Variants in BAG2 observed in about 807,000 individuals in gnomAD.
The protein encoded by BAG2 is BAG family molecular chaperone regulator 2.
Under a neutral mutation model 16.4 loss-of-function variants are expected in BAG2, and 8 were observed. The observed-to-expected ratio is 0.49, with a 90% CI of 0.29 to 0.88. The LOEUF (loss-of-function observed/expected upper bound fraction) is 0.88, where lower values mean the gene tolerates loss of function less well. BAG2 is among the 40% of genes least tolerant of loss of function. BAG2 has a pLI of 0.09. For missense variants in BAG2, 218 were observed against 248.9 expected (o/e 0.88, Z 0.84); for synonymous variants, 82 against 89.2 (o/e 0.92, Z 0.46).
intron 1 of BAG2, among the ~76,000 whole-genome samples, chr6:57,180,439 TA>T (rs374610477): frequency 2.9e-4 from 42 of 145,434 alleles, no homozygotes; most frequent in Admixed American, 5.5e-4. Flanking sequence ...CTAGTGCTAT[TA>T]AAAAAAAAAA....
In BAG2 at chr6:57,188,971, G is replaced by GA. The variant is rs1204852044; in HGVS notation, c.*4786dup. The GA allele has an allele frequency of 6.6e-6, 1 of 151,958 alleles. No homozygotes were observed. The allele number at this position is 151,958 out of a possible 1,614,324, so 9.4% of individuals were successfully genotyped here. A position where few individuals can be genotyped will look rare whatever the true frequency, so the allele number is the denominator to read the frequency against. On this transcript the variant is annotated 3_prime_UTR_variant, in exon 3 of 3. Transcript: ENST00000370693. The stretch of plus-strand genomic sequence containing the variant: ...TAAAACATTGTTTAGTACAAATAAT[G>GA]AAAAATGACTTCATGACATTTTCCA...
At chr6:57,177,930 C>T (rs1298225533) in intron 1 of BAG2, among the ~76,000 whole-genome samples, 4 of 152,176 alleles carry the variant, frequency 2.6e-5, no homozygotes, top group Non-Finnish European at 4.4e-5. Flanking sequence ...AGGATGCATG[C>T]GCTCCGGTTT....
chr6:57,180,949 A>G (rs147622667), intron 1 of BAG2, among the ~76,000 whole-genome samples: 7 of 152,324 alleles, frequency 4.6e-5, no homozygotes, highest in Non-Finnish European at 7.3e-5. Flanking sequence ...AGAAAAGCAA[A>G]ATAGGAAAAG....
Position 57,172,417 on chromosome 6 carries a change from C to G in BAG2, c.-281C>G, listed in dbSNP as rs916367728. Reference sequence around the variant, plus strand: ...GCGCTCCCCAGGCCCGAGCCCCTGTCGGCCCATCCTCGAGCCCGTGTGGCT... The same window carrying G: ...GCGCTCCCCAGGCCCGAGCCCCTGTGGGCCCATCCTCGAGCCCGTGTGGCT... On this transcript the variant is annotated 5_prime_UTR_variant, in exon 1 of 3. Transcript: ENST00000370693. The G allele has an allele frequency of 4.1e-6, 1 of 241,656 alleles. No homozygotes were observed. Among genetic ancestry groups the G allele is most frequent in the Non-Finnish European group, 7.9e-6 (1 of 126,214 alleles). 15.0% of individuals were successfully genotyped at this position (241,656 alleles called of 1,614,324 possible). A position where few individuals can be genotyped will look rare whatever the true frequency, so the allele number is the denominator to read the frequency against.
chr6:57,176,831 T>C (rs1230978295), intron 1 of BAG2, among the ~76,000 whole-genome samples: 1 of 151,948 alleles, frequency 6.6e-6, no homozygotes, highest in Admixed American at 6.6e-5. Context: ...ATTTGAAACT[T>C]TAAGAACCCT....
At chr6:57,176,275 G>C (rs749397450) in intron 1 of BAG2, among the ~76,000 whole-genome samples, 2 of 152,178 alleles carry the variant, frequency 1.3e-5, no homozygotes, top group African/African-American at 2.4e-5. Context: ...CACACAACTA[G>C]AGAGTAGTAA....
chr6:57,186,028 G>A lies in BAG2; in HGVS notation c.*1838G>A, dbSNP rs929226644. 28 of 152,092 alleles carry A rather than the reference G, an allele frequency of 1.8e-4. No homozygotes were observed. Among genetic ancestry groups the A allele is most frequent in the African/African-American group, 6.5e-4 (27 of 41,402 alleles). 9.4% of individuals were successfully genotyped at this position (152,092 alleles called of 1,614,324 possible). A position where few individuals can be genotyped will look rare whatever the true frequency, so the allele number is the denominator to read the frequency against. ...TATGATCCACATTTCCAAGCTGCTT[G>A]GGGTCCCTGGTTTACAGTGTCTCCA... On this transcript the variant is annotated 3_prime_UTR_variant, in exon 3 of 3. Transcript: ENST00000370693.
intron 1 of BAG2, 117 bp downstream of exon 1, chr6:57,172,927 G>A (rs1163002706): frequency 1.1e-6 from 1 of 924,282 alleles, no homozygotes; most frequent in Non-Finnish European, 1.5e-6. Context: ...TGAGGCTGCG[G>A]CAACCGAAGT....
At position 57,186,768 on chromosome 6, in the gene BAG2, G is replaced by A. The variant is rs1205943868; in HGVS notation, c.*2578G>A. 1 of 152,068 alleles carries A rather than the reference G, an allele frequency of 6.6e-6. No individual in the cohort carries two copies. The highest frequency in any genetic ancestry group is 2.4e-5 in the African/African-American group (1 of 41,388). 9.4% of individuals were successfully genotyped at this position (152,068 alleles called of 1,614,324 possible). A position where few individuals can be genotyped will look rare whatever the true frequency, so the allele number is the denominator to read the frequency against. Reference sequence around the variant, plus strand: ...AAGTGGATATAGAGTATGTTTTGCTGTATCTCAATTCTCTACCATTCCTAG... The same window carrying A: ...AAGTGGATATAGAGTATGTTTTGCTATATCTCAATTCTCTACCATTCCTAG... On this transcript the variant is annotated 3_prime_UTR_variant, in exon 3 of 3. Transcript: ENST00000370693.
At chr6:57,174,252 AG>A in intron 1 of BAG2, 1 of 1,249,654 alleles carries the variant, frequency 8.0e-7, no homozygotes, top group Non-Finnish European at 1.0e-6. Flanking sequence ...CAGAACGTTG[AG>A]GGCATGTTCT....
chr6:57,172,881 G>A, intron 1 of BAG2, 71 bp downstream of exon 1: 1 of 1,286,786 alleles, frequency 7.8e-7, no homozygotes, highest in Non-Finnish European at 1.0e-6. Context: ...TTAGCGGACG[G>A]AGGCCGCGTG....
intron 1 of BAG2, among the ~76,000 whole-genome samples, chr6:57,181,189 A>T (rs899201502): frequency 1.3e-5 from 2 of 152,148 alleles, no homozygotes; most frequent in Non-Finnish European, 2.9e-5. Flanking sequence ...GAGTACACAT[A>T]CCCTTTGTCT....
At chr6:57,173,281 C>T in intron 1 of BAG2, 2 of 985,696 alleles carry the variant, frequency 2.0e-6, no homozygotes, top group Non-Finnish European at 1.2e-6. Flanking sequence ...AGTTAAGTTT[C>T]CTTGCTTCAG....
chr6:57,181,509 T>C (rs952696254), intron 1 of BAG2, among the ~76,000 whole-genome samples: 1 of 152,008 alleles, frequency 6.6e-6, no homozygotes, highest in Non-Finnish European at 1.5e-5. Flanking sequence ...CTGGCCAACA[T>C]GGTGAAACCC....
In BAG2 at chr6:57,185,485, A is replaced by C. The variant is rs958878885; in HGVS notation, c.*1295A>C. Reference sequence around the variant, plus strand: ...CCAAACTGACTTTATGTATGTATATATCTCTCAATGCAAGCAATATCAAAC... The same window carrying C: ...CCAAACTGACTTTATGTATGTATATCTCTCTCAATGCAAGCAATATCAAAC... On this transcript the variant is annotated 3_prime_UTR_variant, in exon 3 of 3. Coordinates refer to ENST00000370693, the MANE Select transcript of BAG2 (RefSeq NM_004282.4). 2.6e-5 allele frequency: 4 copies of C among 152,226 alleles called. No individual in the cohort carries two copies. The highest frequency in any genetic ancestry group is 4.4e-5 in the Non-Finnish European group (3 of 68,036). 9.4% of individuals were successfully genotyped at this position (152,226 alleles called of 1,614,324 possible).
At position 57,184,370 on chromosome 6, in the gene BAG2, TTTAA is replaced by T; in HGVS notation, c.*184_*187del. ...TTGTGAATAACAAAACTAGCAATAT[TTTAA>T]TTATCTATCTAGAGATTTTTTAGAT... On this transcript the variant is annotated 3_prime_UTR_variant, in exon 3 of 3. Coordinates refer to ENST00000370693, the MANE Select transcript of BAG2 (RefSeq NM_004282.4). 1 of 494,636 alleles carries T rather than the reference TTTAA, an allele frequency of 2.0e-6. No individual in the cohort carries two copies. The highest frequency in any genetic ancestry group is 3.3e-6 in the Non-Finnish European group (1 of 303,484). The allele number at this position is 494,636 out of a possible 1,614,324, so 30.6% of individuals were successfully genotyped here.
Position 57,186,960 on chromosome 6 carries a change from A to G in BAG2, c.*2770A>G, listed in dbSNP as rs1187478164. 1.3e-5 allele frequency: 2 copies of G among 152,188 alleles called. No homozygotes were observed. The highest frequency in any genetic ancestry group is 4.8e-5 in the African/African-American group (2 of 41,446). The allele number at this position is 152,188 out of a possible 1,614,324, so 9.4% of individuals were successfully genotyped here. A position where few individuals can be genotyped will look rare whatever the true frequency, so the allele number is the denominator to read the frequency against. ...TATATATTTTACTATTTAGATCCACACTGTTGATACAATCATACATATCAC... is the reference window on the plus strand; with the variant it reads ...TATATATTTTACTATTTAGATCCACGCTGTTGATACAATCATACATATCAC... On this transcript the variant is annotated 3_prime_UTR_variant, in exon 3 of 3. Coordinates refer to ENST00000370693, the MANE Select transcript of BAG2 (RefSeq NM_004282.4).
Position 57,188,577 on chromosome 6 carries a change from GGAGAGTA to G in BAG2, c.*4397_*4403del, listed in dbSNP as rs1764704620. ...TATTATTTTGTGCAAAAATTAAAGA[GGAGAGTA>G]GAGAGTAGAAAATTGAAGAGAGTAG... On this transcript the variant is annotated 3_prime_UTR_variant, in exon 3 of 3. Coordinates refer to ENST00000370693, the MANE Select transcript of BAG2 (RefSeq NM_004282.4). 1 of 152,006 alleles carries G rather than the reference GGAGAGTA, an allele frequency of 6.6e-6. No individual in the cohort carries two copies. Among genetic ancestry groups the G allele is most frequent in the Admixed American group, 6.6e-5 (1 of 15,246 alleles). The allele number at this position is 152,006 out of a possible 1,614,324, so 9.4% of individuals were successfully genotyped here. A position where few individuals can be genotyped will look rare whatever the true frequency, so the allele number is the denominator to read the frequency against.
intron 1 of BAG2, among the ~76,000 whole-genome samples, chr6:57,178,388 G>GA: frequency 6.6e-6 from 1 of 152,220 alleles, no homozygotes; most frequent in African/African-American, 2.4e-5. Context: ...CTTTTTAAAA[G>GA]AAAAAATGTA....
Sources: allele counts gnomAD v4.1 joint callset (sites outside exome capture counted in the v4.1 genomes callset), GRCh38; gene constraint gnomAD v4.1.1; transcripts MANE v1.5; gene names NCBI Gene and HGNC (gene_info 2026-07-23, HGNC 2026-07-21).